Variants in CARMIL1 observed in about 807,000 individuals in gnomAD.
CARMIL1 encodes F-actin-uncapping protein LRRC16A.
In CARMIL1, 90 loss-of-function variants were observed where a neutral mutation model predicts 177.1. The observed-to-expected ratio is 0.51, with a 90% confidence interval of 0.43 to 0.61. The LOEUF is 0.61. Among genes scored for constraint, CARMIL1 ranks in the 20% least tolerant of loss-of-function variants. CARMIL1 has a pLI of 0.00. For missense variants in CARMIL1, 1,380 were observed against 1,667.0 expected (o/e 0.83, Z 3.00); for synonymous variants, 577 against 606.2 (o/e 0.95, Z 0.71).
intron 15 of CARMIL1, 142 bp downstream of exon 15, chr6:25,492,166 C>A: frequency 1.5e-6 from 1 of 652,022 alleles, no homozygotes; most frequent in Non-Finnish European, 2.6e-6. Flanking sequence ...AATATTAGTC[C>A]TTGAACATTC....
rs752127583 is a variant in CARMIL1, at chr6:25,360,725, T to C, written c.139-59389T>C. Among the ~76,000 whole-genome samples the C allele has an allele frequency of 2.0e-5, 3 of 152,318 alleles. No homozygotes were observed. In the South Asian group the frequency reaches 6.2e-4, roughly 32 times the overall value. ...AGAGTAACAGGGACATATTGGGAAG[T>C]GTGCAGCCTGGGCTTCCCAACTGAT... On this transcript the variant is annotated intron_variant, in intron 2 of 36. Transcript: ENST00000329474.
intron 11 of CARMIL1, chr6:25,479,089 G>A (rs777141686): frequency 7.7e-6 from 4 of 518,706 alleles, no homozygotes; most frequent in African/African-American, 7.7e-5. Context: ...ACAGAGAAGA[G>A]GCCTTTTGTT....
chr6:25,561,293 G>T (rs1241493944), intron 29 of CARMIL1, among the ~76,000 whole-genome samples: 1 of 152,144 alleles, frequency 6.6e-6, no homozygotes, highest in East Asian at 1.9e-4. Context: ...AAAAATAGCA[G>T]AAGTTTGGGA....
intron 2 of CARMIL1, among the ~76,000 whole-genome samples, chr6:25,336,282 A>T (rs1786221218): frequency 6.6e-6 from 1 of 152,058 alleles, no homozygotes; most frequent in Non-Finnish European, 1.5e-5. Context: ...CCATGCTTGT[A>T]GGTTGTTGCA....
chr6:25,604,103 G>A (rs376189074), intron 33 of CARMIL1, among the ~76,000 whole-genome samples: 12 of 152,048 alleles, frequency 7.9e-5, no homozygotes, highest in African/African-American at 2.9e-4. Context: ...ATAAGGTCTC[G>A]CTCTGTCACC....
intron 2 of CARMIL1, among the ~76,000 whole-genome samples, chr6:25,346,114 C>T (rs1787485615): frequency 6.6e-6 from 1 of 152,158 alleles, no homozygotes; most frequent in African/African-American, 2.4e-5. Context: ...CCCCTTCAGT[C>T]TGTTATCAGC....
At chr6:25,508,081 C>A (rs1283682542) in intron 17 of CARMIL1, among the ~76,000 whole-genome samples, 1 of 152,104 alleles carries the variant, frequency 6.6e-6, no homozygotes, top group Non-Finnish European at 1.5e-5. Context: ...ACTAAGGTTT[C>A]TAAAAATTTT....
intron 36 of CARMIL1, among the ~76,000 whole-genome samples, chr6:25,617,963 G>C (rs7761700): frequency 0.28 from 43,194 of 152,008 alleles, 6,209 homozygotes; most frequent in Non-Finnish European, 0.3. Context: ...TCTTCCCCCA[G>C]TTTGAGAATT....
chr6:25,452,118 G>A (rs1198417251), intron 8 of CARMIL1: 5 of 764,320 alleles, frequency 6.5e-6, no homozygotes, highest in South Asian at 5.4e-5. Flanking sequence ...TATACTAGCT[G>A]GATATACCTC....
chr6:25,600,516 A>C lies in CARMIL1; in HGVS notation c.3322A>C (p.Arg1108=). Residue 1108 remains arginine (R), a synonymous_variant, in exon 33 of 37, where the codon AGG becomes CGG. Transcript: ENST00000329474. ...AVRSPPVDCP[R]KDTKAAEHNG... ...CAGAAGTCCACCTGTGGACTGTCCC[A>C]GGAAGGACACAAAGGCCGCCGAGCA... is the stretch of plus-strand genomic sequence containing the variant. 6.2e-7 allele frequency: 1 copy of C among 1,614,070 alleles called. No individual in the cohort carries two copies. Among genetic ancestry groups the C allele is most frequent in the Non-Finnish European group, 8.5e-7 (1 of 1,179,890 alleles).
At chr6:25,426,317 T>C (rs1796271272) in intron 3 of CARMIL1, among the ~76,000 whole-genome samples, 184 bp from the exon 4 acceptor site, 1 of 152,162 alleles carries the variant, frequency 6.6e-6, no homozygotes, top group African/African-American at 2.4e-5. Context: ...ATAAATCATG[T>C]TTCTATCTTG....
intron 29 of CARMIL1, 99 bp downstream of exon 29, chr6:25,556,949 A>T: frequency 9.1e-6 from 11 of 1,206,854 alleles, no homozygotes; most frequent in Middle Eastern, 1.9e-4. Context: ...ATCAGACCAA[A>T]CAAAACACTG....
At chr6:25,359,317 G>A (rs11759658) in intron 2 of CARMIL1, among the ~76,000 whole-genome samples, 40,553 of 152,196 alleles carry the variant, frequency 0.27, 6,351 homozygotes, top group Non-Finnish European at 0.36. Context: ...AGAACCTCAT[G>A]ACAGGGCAGG....
At chr6:25,340,175 A>C (rs1265194143) in intron 2 of CARMIL1, among the ~76,000 whole-genome samples, 4 of 134,052 alleles carry the variant, frequency 3.0e-5, no homozygotes, top group Non-Finnish European at 1.6e-5. Flanking sequence ...TGAGCATCTG[A>C]ATCTGACCTT....
intron 35 of CARMIL1, among the ~76,000 whole-genome samples, chr6:25,607,138 G>A (rs576120749): frequency 1.3e-5 from 2 of 150,818 alleles, no homozygotes; most frequent in African/African-American, 2.4e-5. Context: ...ACAAGACCCC[G>A]TCACCCTATC....
chr6:25,574,985 T>A (rs1812451745), intron 29 of CARMIL1, among the ~76,000 whole-genome samples: 1 of 152,238 alleles, frequency 6.6e-6, no homozygotes, highest in Non-Finnish European at 1.5e-5. Context: ...GGTCACTGAT[T>A]GGCACTGTTT....
chr6:25,291,639 G>A (rs1214151936), intron 2 of CARMIL1, among the ~76,000 whole-genome samples: 2 of 150,888 alleles, frequency 1.3e-5, no homozygotes, highest in Non-Finnish European at 1.5e-5. Flanking sequence ...CTTAGTGCCT[G>A]TTTAAAACAA....
At chr6:25,405,113 C>T (rs1485399794) in intron 2 of CARMIL1, among the ~76,000 whole-genome samples, 1 of 152,200 alleles carries the variant, frequency 6.6e-6, no homozygotes, top group Non-Finnish European at 1.5e-5. Context: ...AACTTTGAGA[C>T]ATTTGTCAAA....
chr6:25,300,999 C>T (rs1428845356), intron 2 of CARMIL1, among the ~76,000 whole-genome samples: 2 of 152,206 alleles, frequency 1.3e-5, no homozygotes, highest in Admixed American at 1.3e-4. Flanking sequence ...ATTGGCTTCC[C>T]TGCAAGAGCC....
Sources: gnomAD v4.1 joint callset for allele counts (sites outside exome capture counted in the v4.1 genomes callset) on GRCh38, gnomAD v4.1.1 for gene constraint, MANE v1.5 for transcripts, NCBI Gene and HGNC (gene_info 2026-07-23, HGNC 2026-07-21) for gene names.